The following ENAH variants were observed in gnomAD, a reference collection of about 807,000 sequenced individuals.
The protein encoded by ENAH is protein enabled homolog.
ENAH carries 23 observed loss-of-function variants against 78.7 expected under a neutral mutation model. That is an observed-to-expected ratio of 0.29 (90% CI 0.21 to 0.41). The LOEUF is 0.41. Ranked by LOEUF, ENAH falls within the 10% of genes least tolerant of loss-of-function variation. The pLI, the probability that ENAH is intolerant of heterozygous loss-of-function variation, is 1.00. For missense variants in ENAH, 544 were observed against 691.0 expected (o/e 0.79, Z 2.39); for synonymous variants, 226 against 241.0 (o/e 0.94, Z 0.58).
At chr1:225,552,134 C>CTTTTTTTTTTTT (rs397983036) in intron 3 of ENAH, among the ~76,000 whole-genome samples, 4 of 115,966 alleles carry the variant, frequency 3.4e-5, no homozygotes, top group South Asian at 2.9e-4. Flanking sequence ...ACTCCTGATT[C>CTTTTTTTTTTTT]TTTTTTTTTT....
intron 1 of ENAH, among the ~76,000 whole-genome samples, chr1:225,582,034 A>G (rs1286461316): frequency 6.6e-6 from 1 of 151,960 alleles, no homozygotes; most frequent in Non-Finnish European, 1.5e-5. Context: ...GTAATCCCCA[A>G]TGTTGGGGGT....
At chr1:225,649,156 T>C (rs149911083) in intron 1 of ENAH, among the ~76,000 whole-genome samples, 1 of 152,186 alleles carries the variant, frequency 6.6e-6, no homozygotes, top group African/African-American at 2.4e-5. Flanking sequence ...TATTTTTACA[T>C]ATTTTTTAAA....
chr1:225,604,618 T>TA (rs2096946923), intron 1 of ENAH, among the ~76,000 whole-genome samples: 1 of 114,174 alleles, frequency 8.8e-6, no homozygotes, highest in Non-Finnish European at 1.8e-5. Context: ...ACCCCGTCTC[T>TA]ACCAAAAAAA....
At chr1:225,554,001 T>C (rs1051515947) in intron 3 of ENAH, among the ~76,000 whole-genome samples, 7 of 152,338 alleles carry the variant, frequency 4.6e-5, no homozygotes, top group African/African-American at 1.4e-4. Context: ...TAAGGCAACA[T>C]ATACATTGTT....
At chr1:225,517,567 C>A in intron 5 of ENAH, 3 of 1,551,224 alleles carry the variant, frequency 1.9e-6, no homozygotes, top group Non-Finnish European at 2.6e-6. Context: ...GAGGACAGGC[C>A]TTGGACCAGT....
At position 225,616,859 on chromosome 1, in the gene ENAH, C is replaced by T. The variant is rs552554785; in HGVS notation, c.5+35827G>A. Among the ~76,000 whole-genome samples, 57 of 152,168 alleles carry T rather than the reference C, an allele frequency of 3.7e-4. No individual in the cohort carries two copies. In the South Asian group the frequency reaches 8.5e-3, roughly 23 times the overall value. ...TCAGGCCTGTAATCCCAACACTTTG[C>T]GAGGCTGAGGCGGGCAGATCACCTG... On this transcript the variant is annotated intron_variant, in intron 1 of 13. Transcript: ENST00000366843.
intron 2 of ENAH, among the ~76,000 whole-genome samples, chr1:225,560,710 G>T (rs1232512509): frequency 1.3e-5 from 2 of 152,144 alleles, no homozygotes; most frequent in African/African-American, 2.4e-5. Flanking sequence ...TTCCTTAGAA[G>T]ACACTAGAAA....
chr1:225,520,113 G>C (rs1226265625), intron 4 of ENAH, among the ~76,000 whole-genome samples: 1 of 152,006 alleles, frequency 6.6e-6, no homozygotes, highest in Non-Finnish European at 1.5e-5. Context: ...GGCCAACATG[G>C]TGAAACCCCA....
intron 2 of ENAH, among the ~76,000 whole-genome samples, chr1:225,558,627 CTTTTT>C (rs71170091): frequency 1.4e-5 from 1 of 69,216 alleles, no homozygotes; most frequent in African/African-American, 5.6e-5. Flanking sequence ...TAATTTCTGC[CTTTTT>C]TTTTTTTTTT....
intron 1 of ENAH, among the ~76,000 whole-genome samples, chr1:225,571,911 C>T (rs921469416): frequency 9.2e-5 from 14 of 152,096 alleles, no homozygotes; most frequent in Non-Finnish European, 1.9e-4. Flanking sequence ...TTTGGCTATT[C>T]CTAAATTATA....
At chr1:225,625,088 A>C (rs1558927992) in intron 1 of ENAH, among the ~76,000 whole-genome samples, 1 of 152,228 alleles carries the variant, frequency 6.6e-6, no homozygotes, top group Non-Finnish European at 1.5e-5. Context: ...AAGCATGTGA[A>C]AGCAGAAGAG....
intron 3 of ENAH, among the ~76,000 whole-genome samples, chr1:225,538,764 T>G (rs2096574906): frequency 6.6e-6 from 1 of 152,320 alleles, no homozygotes; most frequent in Admixed American, 6.5e-5. Context: ...AATATGTTCC[T>G]CAGTCCACCA....
intron 1 of ENAH, among the ~76,000 whole-genome samples, chr1:225,588,398 C>T (rs773933498): frequency 4.6e-5 from 7 of 152,084 alleles, no homozygotes; most frequent in Non-Finnish European, 1.0e-4. Flanking sequence ...ATCAGGGAAA[C>T]GCCAGTTAAA....
At chr1:225,571,848 A>C (rs2096764130) in intron 1 of ENAH, among the ~76,000 whole-genome samples, 1 of 152,310 alleles carries the variant, frequency 6.6e-6, no homozygotes, top group African/African-American at 2.4e-5. Flanking sequence ...TGGAAAGGGC[A>C]GGAAAAGACT....
intron 1 of ENAH, among the ~76,000 whole-genome samples, chr1:225,598,351 G>A (rs1304872092): frequency 6.6e-6 from 1 of 151,564 alleles, no homozygotes; most frequent in Admixed American, 6.6e-5. Context: ...GGGAAAGAGA[G>A]TAAAGGGGGA....
intron 3 of ENAH, among the ~76,000 whole-genome samples, chr1:225,538,214 T>C (rs997781635): frequency 2.6e-5 from 4 of 152,042 alleles, no homozygotes; most frequent in African/African-American, 9.7e-5. Context: ...GATTGCAAAG[T>C]TCTACGCAAT....
At chr1:225,502,390 T>C (rs1352488053) in intron 11 of ENAH, among the ~76,000 whole-genome samples, 1 of 152,194 alleles carries the variant, frequency 6.6e-6, no homozygotes, top group Admixed American at 6.5e-5. Context: ...TTTTGTATTC[T>C]GAGTAGAGAC....
chr1:225,608,692 T>A (rs576942270), intron 1 of ENAH, among the ~76,000 whole-genome samples: 10 of 151,718 alleles, frequency 6.6e-5, no homozygotes, highest in African/African-American at 2.4e-4. Context: ...GGCAGGCACC[T>A]GTAATCCCAA....
intron 1 of ENAH, among the ~76,000 whole-genome samples, chr1:225,643,790 T>TAG (rs936221692): frequency 2.0e-4 from 31 of 151,760 alleles, no homozygotes; most frequent in African/African-American, 7.3e-4. Flanking sequence ...TCTTAACAAT[T>TAG]AGAGGGTGTG....
Sources: gnomAD v4.1 joint callset for allele counts (sites outside exome capture counted in the v4.1 genomes callset) on GRCh38, gnomAD v4.1.1 for gene constraint, MANE v1.5 for transcripts, NCBI Gene and HGNC (gene_info 2026-07-23, HGNC 2026-07-21) for gene names.